The following ACYP2 variants were observed in gnomAD, a reference collection of about 807,000 sequenced individuals.
The protein encoded by ACYP2 is acylphosphatase 2, also known as acylphosphatase-2.
In ACYP2, 12 loss-of-function variants were observed where a neutral mutation model predicts 11.2. The ratio of observed to expected loss-of-function variants is 1.08; its 90% CI spans 0.69 to 1.74. The LOEUF (loss-of-function observed/expected upper bound fraction) is 1.74. ACYP2 is among the 40% of genes most tolerant of loss of function. The pLI is 0.00. For synonymous variants in ACYP2, 43 were observed against 32.2 expected, an observed-to-expected ratio of 1.33 and a Z score of -1.13; for missense variants, 134 against 101.9, an observed-to-expected ratio of 1.31 and a Z score of -1.35.
intron 4 of ACYP2, among the ~76,000 whole-genome samples, chr2:54,118,005 A>C (rs1414543698): frequency 6.6e-6 from 1 of 152,146 alleles, no homozygotes; most frequent in African/African-American, 2.4e-5. Flanking sequence ...TCCCACTTAG[A>C]AGTGAGAACA....
At chr2:54,150,292 G>T (rs896637711) in intron 6 of ACYP2, among the ~76,000 whole-genome samples, 1 of 152,164 alleles carries the variant, frequency 6.6e-6, no homozygotes, top group African/African-American at 2.4e-5. Context: ...TACAGAAAAG[G>T]GTTTGCTGCT....
intron 4 of ACYP2, among the ~76,000 whole-genome samples, chr2:54,087,654 G>C (rs1407939232): frequency 6.6e-6 from 1 of 152,034 alleles, no homozygotes; most frequent in Non-Finnish European, 1.5e-5. Flanking sequence ...TTTCATTCTT[G>C]AATACACCTC....
At chr2:54,008,060 T>C (rs759171177) in intron 2 of ACYP2, among the ~76,000 whole-genome samples, 34 of 152,206 alleles carry the variant, frequency 2.2e-4, no homozygotes, top group Non-Finnish European at 4.7e-4. Context: ...GAATTTCTCT[T>C]ACTGTCGTAA....
At chr2:54,046,810 C>G (rs183904210) in intron 2 of ACYP2, among the ~76,000 whole-genome samples, 118 of 152,300 alleles carry the variant, frequency 7.7e-4, no homozygotes, top group African/African-American at 2.7e-3. Flanking sequence ...AACACACTTT[C>G]ATTTTGCAAT....
intron 6 of ACYP2, among the ~76,000 whole-genome samples, chr2:54,261,013 T>G (rs1471553933): frequency 6.6e-6 from 1 of 152,178 alleles, no homozygotes; most frequent in Non-Finnish European, 1.5e-5. Flanking sequence ...CCACTACCTT[T>G]CGATAAAATC....
intron 4 of ACYP2, among the ~76,000 whole-genome samples, chr2:54,098,988 C>G (rs7585466): frequency 0.12 from 18,192 of 152,146 alleles, 1,184 homozygotes; most frequent in East Asian, 0.31. Flanking sequence ...CTCAGCCTCC[C>G]AAAGCACTGG....
At chr2:54,053,179 G>A (rs188918062) in intron 3 of ACYP2, among the ~76,000 whole-genome samples, 5 of 152,322 alleles carry the variant, frequency 3.3e-5, no homozygotes, top group African/African-American at 4.8e-5. Context: ...GCCTTCTTCA[G>A]CTCTTTTCTT....
intron 2 of ACYP2, among the ~76,000 whole-genome samples, chr2:53,985,396 C>A (rs1428323479): frequency 6.6e-6 from 1 of 152,002 alleles, no homozygotes; most frequent in Admixed American, 6.6e-5. Context: ...ATACTATATT[C>A]CATCTCAGGT....
intron 6 of ACYP2, among the ~76,000 whole-genome samples, chr2:54,276,658 C>CACACAA (rs1417003092): frequency 7.4e-6 from 1 of 135,038 alleles, no homozygotes; most frequent in Non-Finnish European, 1.6e-5. Context: ...CACACACACA[C>CACACAA]ACACCACACA....
chr2:54,144,125 A>G (rs1043290649), intron 6 of ACYP2, among the ~76,000 whole-genome samples: 1 of 152,008 alleles, frequency 6.6e-6, no homozygotes, highest in Non-Finnish European at 1.5e-5. Context: ...ATGCACCACC[A>G]TGTCCAACTA....
At chr2:54,114,880 C>G (rs1229506629) in intron 4 of ACYP2, among the ~76,000 whole-genome samples, 1 of 152,178 alleles carries the variant, frequency 6.6e-6, no homozygotes, top group African/African-American at 2.4e-5. Context: ...CAGAAGAGCT[C>G]AAGATGTTGC....
intron 6 of ACYP2, among the ~76,000 whole-genome samples, chr2:54,205,086 C>T (rs537466661): frequency 6.6e-6 from 1 of 152,262 alleles, no homozygotes; most frequent in South Asian, 2.1e-4. Flanking sequence ...GTAAAAGTTG[C>T]CTATCTCTCC....
At chr2:54,057,843 G>C (rs760547721) in intron 4 of ACYP2, among the ~76,000 whole-genome samples, 10 of 152,184 alleles carry the variant, frequency 6.6e-5, no homozygotes, top group Admixed American at 4.6e-4. Context: ...CCATTTGAGA[G>C]GGGATTGAGT....
intron 6 of ACYP2, among the ~76,000 whole-genome samples, chr2:54,225,531 G>T (rs1685978644): frequency 6.6e-6 from 1 of 152,002 alleles, no homozygotes; most frequent in Non-Finnish European, 1.5e-5. Flanking sequence ...CTCATTTTAA[G>T]TTTCAGGGAC....
chr2:54,174,250 C>T (rs1025250011), intron 6 of ACYP2, among the ~76,000 whole-genome samples: 32 of 152,278 alleles, frequency 2.1e-4, no homozygotes, highest in African/African-American at 7.5e-4. Context: ...TCCTTCACAT[C>T]CCTTGTAAGT....
chr2:54,192,524 T>C (rs952396762), intron 6 of ACYP2, among the ~76,000 whole-genome samples: 2 of 152,192 alleles, frequency 1.3e-5, no homozygotes, highest in South Asian at 2.1e-4. Context: ...TTTATTGATA[T>C]AAGTTTCTAA....
rs899124066 is a variant in ACYP2, at chr2:54,097,446, C to T, written c.278-38007C>T. On this transcript the variant is annotated intron_variant, in intron 4 of 6. Transcript: ENST00000607452. ...GAAAAGCTTGCCAGCACCACTGTTC[C>T]CCAAATCCTATCCCATTCCTCAGAG... is the stretch of plus-strand genomic sequence containing the variant. Among the ~76,000 whole-genome samples the T allele has an allele frequency of 2.1e-4, 32 of 152,214 alleles. 1 individual carries two copies. Among genetic ancestry groups the T allele is most frequent in the African/African-American group, 6.5e-4 (27 of 41,450 alleles).
chr2:54,255,597 C>T (rs752010070), intron 6 of ACYP2: 1 of 1,613,508 alleles, frequency 6.2e-7, no homozygotes, highest in South Asian at 1.1e-5. Context: ...GCCCTGCCTC[C>T]CTGTTTACCT....
At chr2:54,126,088 AT>A (rs1337082120) in intron 4 of ACYP2, among the ~76,000 whole-genome samples, 2 of 152,206 alleles carry the variant, frequency 1.3e-5, no homozygotes, top group African/African-American at 2.4e-5. Flanking sequence ...CTCAAAAAAA[AT>A]AAATAAATAA....
Sources: gnomAD v4.1 joint callset for allele counts (sites outside exome capture counted in the v4.1 genomes callset) on GRCh38, gnomAD v4.1.1 for gene constraint, MANE v1.5 for transcripts, NCBI Gene and HGNC (gene_info 2026-07-23, HGNC 2026-07-21) for gene names.